EIF4E1B: variants seen among roughly 807,000 people sequenced by gnomAD.
EIF4E1B encodes eukaryotic translation initiation factor 4E family member 1B.
A neutral mutation model predicts 31.3 loss-of-function variants in EIF4E1B; 22 were observed. The observed-to-expected ratio is 0.70, with a 90% CI of 0.50 to 1.00. The LOEUF (loss-of-function observed/expected upper bound fraction) is 1.00. EIF4E1B is among the 50% of genes least tolerant of loss of function. EIF4E1B has a pLI of 0.00. For synonymous variants in EIF4E1B, 126 were observed against 120.2 expected (o/e 1.05, Z -0.31); for missense variants, 290 against 311.6 (o/e 0.93, Z 0.52).
intron 5 of EIF4E1B, chr5:176,644,144 G>A: frequency 1.7e-6 from 1 of 581,856 alleles, no homozygotes; most frequent in South Asian, 2.2e-5. Flanking sequence ...GGGAGCACCA[G>A]GGGGTCTAAA....
chr5:176,638,746 C>T lies in EIF4E1B; in HGVS notation c.-201-3297C>T, dbSNP rs949584981. Among the ~76,000 whole-genome samples, 2 of 152,136 alleles carry T rather than the reference C, an allele frequency of 1.3e-5. No homozygotes were observed. Among genetic ancestry groups the T allele is most frequent in the Non-Finnish European group, 2.9e-5 (2 of 68,034 alleles). ...AGCCCAGGACCTGGACTTTGGATCA[C>T]ATCCTGGGTGTCCTGGAGGTTTGTT... On this transcript the variant is annotated intron_variant, in intron 1 of 8. Transcript: ENST00000318682. This position sits in a 1 kb window ranked among gnomAD's most constrained non-coding sequence, Gnocchi z 4.3.
chr5:176,645,769 G>A lies in EIF4E1B; in HGVS notation c.615-97G>A. The A allele has an allele frequency of 8.3e-7, 1 of 1,200,846 alleles. No homozygotes were observed. The highest frequency in any genetic ancestry group is 1.6e-5 in the South Asian group (1 of 61,952). The allele number at this position is 1,200,846 out of a possible 1,614,324, so 74.4% of individuals were successfully genotyped here. A position where few individuals can be genotyped will look rare whatever the true frequency, so the allele number is the denominator to read the frequency against. On this transcript the variant is annotated intron_variant, in intron 8 of 8. Transcript: ENST00000318682. The surrounding 1 kb of genome is among the most constrained non-coding windows in gnomAD (Gnocchi z 5.4). ...GTAAGACACAACAGGTGTGGCTGTG[G>A]CCAGAATGAGGGTAGGAGTCTGGTG...
rs1235921542 is a variant in EIF4E1B at position 176,638,605 on chromosome 5, T to G, written c.-201-3438T>G. The stretch of plus-strand genomic sequence containing the variant: ...CCCAGAAGGACAAGGAGAAGTTCTG[T>G]AAAAAGTTGCAGAGGAAACTGCAAG... On this transcript the variant is annotated intron_variant, in intron 1 of 8. Transcript: ENST00000318682. This position sits in a 1 kb window ranked among gnomAD's most constrained non-coding sequence, Gnocchi z 4.3. Among the ~76,000 whole-genome samples, 1 of 152,140 alleles carries G rather than the reference T, an allele frequency of 6.6e-6. No homozygotes were observed. The highest frequency in any genetic ancestry group is 6.6e-5 in the Admixed American group (1 of 15,266).
In EIF4E1B at chr5:176,646,640, A is replaced by T. The variant is rs2113452377; in HGVS notation, c.*660A>T. Reference sequence around the variant, plus strand: ...TCCTGTTTTAAATAAATACTTCTGAACAAAGTTGGAATTATTTTTAAGAGG... The same window carrying T: ...TCCTGTTTTAAATAAATACTTCTGATCAAAGTTGGAATTATTTTTAAGAGG... On this transcript the variant is annotated 3_prime_UTR_variant, in exon 9 of 9. Transcript: ENST00000318682. 1 of 152,434 alleles carries T rather than the reference A, an allele frequency of 6.6e-6. No individual in the cohort carries two copies. The highest frequency in any genetic ancestry group is 2.4e-5 in the African/African-American group (1 of 41,592). The allele number at this position is 152,434 out of a possible 1,614,324, so 9.4% of individuals were successfully genotyped here. A position where few individuals can be genotyped will look rare whatever the true frequency, so the allele number is the denominator to read the frequency against.
chr5:176,644,151 T>C (rs12521336), intron 5 of EIF4E1B: 264,358 of 588,010 alleles, frequency 0.45, 66,511 homozygotes, highest in Non-Finnish European at 0.53. Context: ...CCAGGGGGTC[T>C]AAAACCCTCC....
rs964134373 is a variant in EIF4E1B at position 176,630,677 on chromosome 5, A to T, written c.-589A>T. The T allele has an allele frequency of 7.2e-5, 11 of 152,092 alleles. No homozygotes were observed. The highest frequency in any genetic ancestry group is 1.2e-4 in the Non-Finnish European group (8 of 67,992). The allele number at this position is 152,092 out of a possible 1,614,324, so 9.4% of individuals were successfully genotyped here. On this transcript the variant is annotated 5_prime_UTR_variant, in exon 1 of 9. Transcript: ENST00000318682. The stretch of plus-strand genomic sequence containing the variant: ...GGGGCCCCGGCCGTAAGACTCGCGT[A>T]GTCTGTTGGGAGTTGAGGGAGGGGG...
Position 176,632,037 on chromosome 5 carries a change from T to A in EIF4E1B, c.-202+973T>A, listed in dbSNP as rs572194925. ...GACATGGGAGTGTGCCAAGATGTGG[T>A]GGTAAGTGTGAGAAGCAAGGTGCCA... On this transcript the variant is annotated intron_variant, in intron 1 of 8. Transcript: ENST00000318682. Among the ~76,000 whole-genome samples the A allele has an allele frequency of 5.9e-5, 9 of 152,148 alleles. No homozygotes were observed. In the South Asian group the frequency reaches 1.9e-3, roughly 32 times the overall value.
At chr5:176,635,347 T>G (rs1760476188) in intron 1 of EIF4E1B, among the ~76,000 whole-genome samples, 1 of 151,928 alleles carries the variant, frequency 6.6e-6, no homozygotes, top group Non-Finnish European at 1.5e-5. Context: ...GGGAGCTGAA[T>G]AGCAGTGAGC....
chr5:176,641,280 ATG>A, intron 1 of EIF4E1B, among the ~76,000 whole-genome samples: 1 of 152,142 alleles, frequency 6.6e-6, no homozygotes, highest in East Asian at 1.9e-4. Flanking sequence ...GTGAGCCAAG[ATG>A]GCACCACTGC....
chr5:176,643,015 C>T, intron 3 of EIF4E1B, 67 bp from the exon 4 acceptor site: 2 of 1,540,236 alleles, frequency 1.3e-6, no homozygotes, highest in African/African-American at 1.4e-5. Context: ...AGGGGATGGG[C>T]AGGGTGGGCA....
intron 3 of EIF4E1B, 63 bp downstream of exon 3, chr5:176,642,865 C>CCCCCCCCCCCCCCCCCCCCCCCGG: frequency 8.5e-7 from 1 of 1,169,744 alleles, no homozygotes. Context: ...CCCCCCCCCC[C>CCCCCCCCCCCCCCCCCCCCCCCGG]GCCCCAGGTG....
intron 1 of EIF4E1B, among the ~76,000 whole-genome samples, chr5:176,633,870 C>G (rs149669708): frequency 3.9e-5 from 6 of 152,026 alleles, no homozygotes; most frequent in African/African-American, 1.2e-4. Flanking sequence ...TGGGGCCAAA[C>G]GGAGATGGGT....
intron 1 of EIF4E1B, among the ~76,000 whole-genome samples, chr5:176,632,961 G>T (rs1017803545): frequency 6.6e-6 from 1 of 152,162 alleles, no homozygotes; most frequent in Non-Finnish European, 1.5e-5. Context: ...AGGGCGGGGT[G>T]GGGGAGGGGT....
At chr5:176,631,765 A>G (rs1340562561) in intron 1 of EIF4E1B, among the ~76,000 whole-genome samples, 1 of 152,192 alleles carries the variant, frequency 6.6e-6, no homozygotes, top group African/African-American at 2.4e-5. Flanking sequence ...ATGTTTACCA[A>G]GCATAAATGC....
rs183437718 is a variant in EIF4E1B, at chr5:176,641,023, A to C, written c.-201-1020A>C. 5.8e-3 allele frequency among the ~76,000 whole-genome samples: 885 copies of C among 152,306 alleles called. 3 individuals carry two copies. Among genetic ancestry groups the C allele is most frequent in the Non-Finnish European group, 7.6e-3 (515 of 68,030 alleles). ...CAGCAGCATCTGGGAACTTGTTAGA[A>C]ATACAAACATCCTGGGCCTGGCGCT... On this transcript the variant is annotated intron_variant, in intron 1 of 8. Transcript: ENST00000318682.
chr5:176,644,484 T>G (rs1331346925), intron 6 of EIF4E1B, 45 bp downstream of exon 6: 1 of 1,559,940 alleles, frequency 6.4e-7, no homozygotes, highest in South Asian at 1.2e-5. Context: ...GGACAAGGGG[T>G]TGATCCCTCC....
chr5:176,638,400 T>C lies in EIF4E1B; in HGVS notation c.-201-3643T>C, dbSNP rs1760528447. On this transcript the variant is annotated intron_variant, in intron 1 of 8. Coordinates refer to ENST00000318682, the MANE Select transcript of EIF4E1B (RefSeq NM_001099408.2). The surrounding 1 kb of genome is among the most constrained non-coding windows in gnomAD (Gnocchi z 4.3). ...GTGCTCCCCAGAGCCTAAAATGGTG[T>C]CCGGCACAAAGTAATTGGTAGGTCA... 6.6e-6 allele frequency among the ~76,000 whole-genome samples: 1 copy of C among 152,178 alleles called. No individual in the cohort carries two copies. Among genetic ancestry groups the C allele is most frequent in the African/African-American group, 2.4e-5 (1 of 41,426 alleles).
rs992914973 is a variant in EIF4E1B at position 176,645,757 on chromosome 5, G to C, written c.615-109G>C. The C allele has an allele frequency of 3.5e-6, 4 of 1,146,816 alleles. No homozygotes were observed. Among genetic ancestry groups the C allele is most frequent in the Non-Finnish European group, 4.9e-6 (4 of 821,272 alleles). The allele number at this position is 1,146,816 out of a possible 1,614,324, so 71.0% of individuals were successfully genotyped here. On this transcript the variant is annotated intron_variant, in intron 8 of 8. Coordinates refer to ENST00000318682, the MANE Select transcript of EIF4E1B (RefSeq NM_001099408.2). This position sits in a 1 kb window ranked among gnomAD's most constrained non-coding sequence, Gnocchi z 5.4. Reference sequence around the variant, plus strand: ...GTTTCCACATGGGTAAGACACAACAGGTGTGGCTGTGGCCAGAATGAGGGT... The same window carrying C: ...GTTTCCACATGGGTAAGACACAACACGTGTGGCTGTGGCCAGAATGAGGGT...
chr5:176,644,264 G>A (rs1760651723), intron 5 of EIF4E1B, 112 bp from the exon 6 acceptor site: 11 of 1,134,728 alleles, frequency 9.7e-6, no homozygotes, highest in East Asian at 2.7e-5. Context: ...GCCAGTGTAA[G>A]CAAAGGCTTG....
Sources: allele counts gnomAD v4.1 joint callset (sites outside exome capture counted in the v4.1 genomes callset), GRCh38; gene constraint gnomAD v4.1.1; non-coding constraint Gnocchi (gnomAD v3.1); transcripts MANE v1.5; gene names NCBI Gene and HGNC (gene_info 2026-07-23, HGNC 2026-07-21).